The following MED15 variants were observed in gnomAD, a reference collection of about 807,000 sequenced individuals.
The protein encoded by MED15 is mediator of RNA polymerase II transcription subunit 15.
Under a neutral mutation model 118.7 loss-of-function variants are expected in MED15, and 41 were observed. That is an observed-to-expected ratio of 0.35 (90% CI 0.27 to 0.45). The LOEUF is 0.45. Among genes scored for constraint, MED15 ranks in the 20% least tolerant of loss-of-function variants. MED15 has a pLI of 1.00. For missense variants in MED15, 740 were observed against 1,025.5 expected (o/e 0.72, Z 3.80); for synonymous variants, 436 against 413.9 (o/e 1.05, Z -0.65).
rs1385416189 is a variant in MED15, at chr22:20,585,173, G to C, written c.2037G>C (p.Gln679His). Residue 679 changes from glutamine to histidine, a missense_variant, in exon 16 of 18, where the codon CAG (glutamine) becomes CAC (histidine). Coordinates refer to ENST00000263205, the MANE Select transcript of MED15 (RefSeq NM_001003891.3). ...DERQSIPSVL[Q>H]GEVARLDPKF... is the part of the protein sequence containing the mutation. ...GGCAGAGCATCCCCAGTGTGCTCCA[G>C]GGTGAGGTGGCCAGGCTGGACCCCA... 6.2e-7 allele frequency: 1 copy of C among 1,613,780 alleles called. No homozygotes were observed. Among genetic ancestry groups the C allele is most frequent in the Non-Finnish European group, 8.5e-7 (1 of 1,180,016 alleles).
intron 5 of MED15, among the ~76,000 whole-genome samples, chr22:20,564,146 A>G (rs1359722086): frequency 1.3e-5 from 2 of 152,236 alleles, no homozygotes; most frequent in East Asian, 1.9e-4. Flanking sequence ...TGGCCAATCC[A>G]TAGAGACAGA....
chr22:20,537,011 G>A, intron 1 of MED15, 106 bp from the exon 2 acceptor site: 1 of 997,624 alleles, frequency 1.0e-6, no homozygotes. Flanking sequence ...GCTGGCGATA[G>A]CACCTTGTCA....
At chr22:20,518,913 C>T (rs1277807888) in intron 1 of MED15, 9 of 451,618 alleles carry the variant, frequency 2.0e-5, no homozygotes, top group East Asian at 7.1e-5. Flanking sequence ...AGTGCAGTGG[C>T]GTGATTGTGG....
intron 6 of MED15, 52 bp from the exon 7 acceptor site, chr22:20,566,415 G>T: frequency 6.3e-7 from 1 of 1,596,438 alleles, no homozygotes; most frequent in Non-Finnish European, 8.5e-7. Flanking sequence ...GGAGGAGCTG[G>T]TGCCACAGAG....
At chr22:20,574,480 T>A (rs920434466) in intron 8 of MED15, 1 of 152,332 alleles carries the variant, frequency 6.6e-6, no homozygotes, top group African/African-American at 2.4e-5. Flanking sequence ...TGCCAAGCAG[T>A]CCCCCCAGGC....
rs2053910873 is a variant in MED15 at position 20,507,623 on chromosome 22, A to C, written c.-56A>C. On this transcript the variant is annotated 5_prime_UTR_variant, in exon 1 of 18. Transcript: ENST00000263205. ...GGGTTTGGGCCTGGCTCTGTGACTG[A>C]GGCGGCGGCGGTGGCGGCCAAGCGG... is the stretch of plus-strand genomic sequence containing the variant. 1 of 1,608,174 alleles carries C rather than the reference A, an allele frequency of 6.2e-7. No homozygotes were observed. Among genetic ancestry groups the C allele is most frequent in the Admixed American group, 1.7e-5 (1 of 59,984 alleles).
chr22:20,521,586 TG>T, intron 1 of MED15, among the ~76,000 whole-genome samples: 1 of 140,916 alleles, frequency 7.1e-6, no homozygotes, highest in Admixed American at 7.3e-5. Flanking sequence ...TTAGTAGAGA[TG>T]GGGTTTCACC....
At chr22:20,564,102 A>G (rs2056343547) in intron 5 of MED15, among the ~76,000 whole-genome samples, 1 of 152,168 alleles carries the variant, frequency 6.6e-6, no homozygotes. Context: ...AAAAGAGCAC[A>G]TGTTCGATGC....
intron 1 of MED15, among the ~76,000 whole-genome samples, chr22:20,531,678 T>C (rs1601495098): frequency 6.6e-6 from 1 of 152,332 alleles, no homozygotes; most frequent in East Asian, 1.9e-4. Context: ...ACAGTACCAC[T>C]CCTTGTGTTA....
chr22:20,582,852 C>T lies in MED15; in HGVS notation c.1422C>T (p.Ala474=). 5 of 1,612,758 alleles carry T rather than the reference C, an allele frequency of 3.1e-6. No homozygotes were observed. The highest frequency in any genetic ancestry group is 4.2e-6 in the Non-Finnish European group (5 of 1,179,946). The change falls in exon 11 of 18, where the codon GCC becomes GCT. Residue 474 remains alanine, a synonymous_variant. Coordinates refer to ENST00000263205, the MANE Select transcript of MED15 (RefSeq NM_001003891.3). ...CACTTGGCTGCAGCTCTGGCCCTGC[C>T]CCATCTCCCAGTAGCTTCCTGCCCA... ...QPNSNVSSGP[A]PSPSSFLPSP...
chr22:20,518,834 T>C (rs1457903852), intron 1 of MED15: 4 of 453,220 alleles, frequency 8.8e-6, no homozygotes, highest in South Asian at 6.2e-5. Flanking sequence ...TGATGGTTGA[T>C]TTTCTTTTTG....
At chr22:20,539,129 C>T (rs1031174118) in intron 2 of MED15, among the ~76,000 whole-genome samples, 4 of 151,766 alleles carry the variant, frequency 2.6e-5, no homozygotes, top group Non-Finnish European at 4.4e-5. Context: ...GATGGAGTCT[C>T]GCTCTGTCAC....
intron 5 of MED15, among the ~76,000 whole-genome samples, chr22:20,555,516 T>C (rs375688626): frequency 1.3e-5 from 2 of 152,230 alleles, no homozygotes; most frequent in South Asian, 4.1e-4. Flanking sequence ...CTGCCCGAGC[T>C]CTGGGCACCA....
At chr22:20,546,502 G>A (rs1025179027) in intron 2 of MED15, among the ~76,000 whole-genome samples, 2 of 109,400 alleles carry the variant, frequency 1.8e-5, no homozygotes, top group African/African-American at 7.2e-5. Context: ...GTTACATGGA[G>A]TTTTTTTTGT....
intron 2 of MED15, among the ~76,000 whole-genome samples, chr22:20,537,699 G>T (rs1023014666): frequency 4.6e-5 from 7 of 152,250 alleles, no homozygotes; most frequent in African/African-American, 1.7e-4. Context: ...TCCACTATAT[G>T]TGGGCTTTCT....
At chr22:20,584,539 C>G (rs1948608888) in intron 14 of MED15, 114 bp downstream of exon 14, 8 of 1,256,158 alleles carry the variant, frequency 6.4e-6, no homozygotes, top group Admixed American at 1.8e-5. Flanking sequence ...CGGGCCTGAC[C>G]TTGGACCCTG....
intron 14 of MED15, 170 bp from the exon 15 acceptor site, chr22:20,584,685 G>C: frequency 1.1e-6 from 1 of 940,402 alleles, no homozygotes. Context: ...TAGGCTGTGG[G>C]GGTGGGGGAT....
chr22:20,542,459 G>A (rs1390670873), intron 2 of MED15, among the ~76,000 whole-genome samples: 1 of 152,190 alleles, frequency 6.6e-6, no homozygotes, highest in African/African-American at 2.4e-5. Flanking sequence ...AAATGAAGCA[G>A]TCACAAAGGA....
chr22:20,585,882 G>A (rs573174521), intron 17 of MED15, 56 bp downstream of exon 17: 26 of 1,547,598 alleles, frequency 1.7e-5, no homozygotes, highest in Middle Eastern at 3.5e-4. Context: ...GGTCATTGTG[G>A]AAAACCAGGC....
Sources: allele counts gnomAD v4.1 joint callset (sites outside exome capture counted in the v4.1 genomes callset), GRCh38; gene constraint gnomAD v4.1.1; transcripts MANE v1.5; gene names NCBI Gene and HGNC (gene_info 2026-07-23, HGNC 2026-07-21).